Variants in B3GALNT2 observed in about 807,000 individuals in gnomAD.
The protein encoded by B3GALNT2 is UDP-GalNAc:beta-1,3-N-acetylgalactosaminyltransferase 2.
In B3GALNT2, 53 loss-of-function variants were observed where a neutral mutation model predicts 61.1. The observed-to-expected ratio is 0.87, with a 90% CI of 0.70 to 1.09. B3GALNT2 has a LOEUF of 1.09. Ranked by LOEUF, B3GALNT2 falls within the 50% of genes least tolerant of loss-of-function variation. B3GALNT2 has a pLI of 0.00. For synonymous variants in B3GALNT2, 223 were observed against 237.4 expected (o/e 0.94, Z 0.56); for missense variants, 544 against 623.0 (o/e 0.87, Z 1.35).
At chr1:235,478,555 C>T (rs1351308212) in intron 5 of B3GALNT2, among the ~76,000 whole-genome samples, 2 of 152,168 alleles carry the variant, frequency 1.3e-5, no homozygotes, top group Non-Finnish European at 2.9e-5. Flanking sequence ...TACCCTTCGA[C>T]CCAACAATTC....
At chr1:235,463,383 A>G (rs1683521350) in intron 7 of B3GALNT2, 1 of 151,700 alleles carries the variant, frequency 6.6e-6, no homozygotes. Context: ...GAAATTATAT[A>G]TTTATTCATA....
At chr1:235,473,356 T>C (rs969421212) in intron 5 of B3GALNT2, among the ~76,000 whole-genome samples, 1 of 152,166 alleles carries the variant, frequency 6.6e-6, no homozygotes, top group Non-Finnish European at 1.5e-5. Context: ...ACTTTAATAG[T>C]GATAGAGTTT....
chr1:235,462,028 AAGGT>A (rs1683458185), intron 7 of B3GALNT2, among the ~76,000 whole-genome samples: 2 of 152,202 alleles, frequency 1.3e-5, no homozygotes, highest in South Asian at 4.1e-4. Flanking sequence ...GAGCAAGTTT[AAGGT>A]AGGTGAGGCT....
At chr1:235,474,985 A>ATTTT (rs1558425516) in intron 5 of B3GALNT2, among the ~76,000 whole-genome samples, 69 of 37,784 alleles carry the variant, frequency 1.8e-3, no homozygotes, top group Non-Finnish European at 2.6e-3. Flanking sequence ...ATATATATAT[A>ATTTT]TATTTTTTTT....
At chr1:235,455,428 TATA>T in intron 9 of B3GALNT2, 128 bp downstream of exon 9, 1 of 1,003,284 alleles carries the variant, frequency 1.0e-6, no homozygotes, top group Non-Finnish European at 1.4e-6. Context: ...ATGAAATATA[TATA>T]AACCCAGGAG....
intron 7 of B3GALNT2, among the ~76,000 whole-genome samples, chr1:235,461,805 T>A: frequency 6.6e-6 from 1 of 152,122 alleles, no homozygotes; most frequent in East Asian, 1.9e-4. Flanking sequence ...ATTGAGCTAC[T>A]GCACCTGGCC....
At chr1:235,491,295 G>C (rs776191279) in intron 2 of B3GALNT2, among the ~76,000 whole-genome samples, 1 of 152,158 alleles carries the variant, frequency 6.6e-6, no homozygotes, top group Admixed American at 6.5e-5. Context: ...TCATAGATAG[G>C]AGAGTCTGAC....
chr1:235,463,086 G>T (rs190871062), intron 7 of B3GALNT2, among the ~76,000 whole-genome samples: 2 of 152,308 alleles, frequency 1.3e-5, no homozygotes, highest in Admixed American at 6.5e-5. Context: ...CAGCACCTGC[G>T]TGCAGTTGGA....
chr1:235,480,204 T>G, intron 4 of B3GALNT2, 55 bp from the exon 5 acceptor site: 2 of 1,596,746 alleles, frequency 1.3e-6, no homozygotes, highest in Non-Finnish European at 1.7e-6. Flanking sequence ...ACATTGCATA[T>G]GCAAAAAGTT....
chr1:235,453,646 C>T (rs1468258419), intron 10 of B3GALNT2, among the ~76,000 whole-genome samples: 1 of 152,106 alleles, frequency 6.6e-6, no homozygotes, highest in African/African-American at 2.4e-5. Context: ...AGGGTTTTGC[C>T]ATGTTGGCCA....
intron 7 of B3GALNT2, among the ~76,000 whole-genome samples, chr1:235,461,920 CT>C (rs1446558623): frequency 6.6e-6 from 1 of 152,172 alleles, no homozygotes; most frequent in Non-Finnish European, 1.5e-5. Flanking sequence ...CATTCTGTTT[CT>C]CATGTGACTA....
At chr1:235,459,052 A>G (rs1192061666) in intron 7 of B3GALNT2, among the ~76,000 whole-genome samples, 1 of 152,178 alleles carries the variant, frequency 6.6e-6, no homozygotes, top group African/African-American at 2.4e-5. Flanking sequence ...TTGTAGATAT[A>G]TCCCTACTAA....
intron 7 of B3GALNT2, among the ~76,000 whole-genome samples, chr1:235,460,454 TAAA>T (rs35687101): frequency 5.1e-5 from 7 of 136,586 alleles, no homozygotes; most frequent in African/African-American, 8.1e-5. Flanking sequence ...ATGTTTTATT[TAAA>T]AAAAAAAAAA....
intron 5 of B3GALNT2, among the ~76,000 whole-genome samples, chr1:235,476,394 G>C (rs1424482961): frequency 3.3e-5 from 5 of 152,072 alleles, no homozygotes; most frequent in Non-Finnish European, 7.4e-5. Context: ...CTGGGTGACA[G>C]AGCGAGACTC....
chr1:235,448,904 T>A lies in B3GALNT2; in HGVS notation c.*1302A>T, dbSNP rs7537. The A allele has an allele frequency of 0.099, 68,590 of 694,646 alleles. 4,218 individuals are homozygous for A. Among genetic ancestry groups the A allele is most frequent in the African/African-American group, 0.23 (13,124 of 56,592 alleles). The allele number at this position is 694,646 out of a possible 1,614,324, so 43.0% of individuals were successfully genotyped here. ...TAAGTATAACAAGGGATGTATTTTT[T>A]GTTGGGAAGTGACCATTTCTAGGCT... On this transcript the variant is annotated 3_prime_UTR_variant, in exon 12 of 12. Coordinates refer to ENST00000366600, the MANE Select transcript of B3GALNT2 (RefSeq NM_152490.5).
chr1:235,489,385 C>T, intron 2 of B3GALNT2, 117 bp from the exon 3 acceptor site: 1 of 1,452,686 alleles, frequency 6.9e-7, no homozygotes, highest in Non-Finnish European at 9.1e-7. Flanking sequence ...AGGATTAATT[C>T]TCTACCTTTA....
intron 1 of B3GALNT2, among the ~76,000 whole-genome samples, chr1:235,500,706 C>T (rs970811804): frequency 6.6e-6 from 1 of 152,164 alleles, no homozygotes; most frequent in Non-Finnish European, 1.5e-5. Flanking sequence ...TCCCAAAACA[C>T]CACACTAGCA....
At chr1:235,446,402 C>T (rs1005795722), downstream of B3GALNT2, among the ~76,000 whole-genome samples, 16 of 152,174 alleles carry the variant, frequency 1.1e-4, no homozygotes, top group Non-Finnish European at 2.2e-4. Flanking sequence ...GTCTCAAACT[C>T]CTGACCTCAG....
intron 7 of B3GALNT2, chr1:235,465,395 G>T: frequency 2.2e-6 from 1 of 448,992 alleles, no homozygotes; most frequent in Non-Finnish European, 3.8e-6. Flanking sequence ...TTAGGGGGTG[G>T]GGGGTTGGGG....
Sources: allele counts gnomAD v4.1 joint callset (sites outside exome capture counted in the v4.1 genomes callset), GRCh38; gene constraint gnomAD v4.1.1; transcripts MANE v1.5; gene names NCBI Gene and HGNC (gene_info 2026-07-23, HGNC 2026-07-21).